The following B3GAT2 variants were observed in gnomAD, a reference collection of about 807,000 sequenced individuals.
The protein encoded by B3GAT2 is galactosylgalactosylxylosylprotein 3-beta-glucuronosyltransferase 2.
In B3GAT2, 26 loss-of-function variants were observed where a neutral mutation model predicts 27.8. That is an observed-to-expected ratio of 0.93 (90% CI 0.68 to 1.30). B3GAT2 has a LOEUF of 1.30. Ranked by LOEUF, B3GAT2 falls within the 50% of genes most tolerant of loss-of-function variation. The pLI, the probability that B3GAT2 is intolerant of heterozygous loss-of-function variation, is 0.00. For missense variants in B3GAT2, 458 were observed against 459.0 expected (o/e 1.00, Z 0.02); for synonymous variants, 218 against 195.1 (o/e 1.12, Z -0.98).
At chr6:70,890,501 G>A (rs1772269781) in intron 2 of B3GAT2, among the ~76,000 whole-genome samples, 1 of 152,158 alleles carries the variant, frequency 6.6e-6, no homozygotes. Context: ...ACTTCATTTG[G>A]CTGGTCCTGA....
chr6:70,860,121 T>G lies in B3GAT2; in HGVS notation c.*1542A>C, dbSNP rs865999101. The stretch of plus-strand genomic sequence containing the variant: ...ACTAGTTGTCACATTAATGAAAAAA[T>G]GACCAACTGTGTGGCTAAAGAAACA... On this transcript the variant is annotated 3_prime_UTR_variant, in exon 4 of 4. Coordinates refer to ENST00000230053, the MANE Select transcript of B3GAT2 (RefSeq NM_080742.3). 47 of 1,464,694 alleles carry G rather than the reference T, an allele frequency of 3.2e-5. No individual in the cohort carries two copies. In the Admixed American group the frequency reaches 3.5e-4, roughly 11 times the overall value. The allele number at this position is 1,464,694 out of a possible 1,614,324, so 90.7% of individuals were successfully genotyped here.
At chr6:70,932,963 A>G (rs1172370932) in intron 1 of B3GAT2, among the ~76,000 whole-genome samples, 1 of 152,042 alleles carries the variant, frequency 6.6e-6, no homozygotes, top group Non-Finnish European at 1.5e-5. Context: ...CACCACTCAC[A>G]ACTATTTAAA....
chr6:70,886,440 T>TG (rs1772188490), intron 2 of B3GAT2, among the ~76,000 whole-genome samples: 1 of 152,146 alleles, frequency 6.6e-6, no homozygotes, highest in Non-Finnish European at 1.5e-5. Context: ...AAGGAAAACT[T>TG]CAGGTTTTCA....
At position 70,956,274 on chromosome 6, in the gene B3GAT2, G is replaced by A. The variant is rs1276792381; in HGVS notation, c.156C>T (p.Leu52=). Residue 52 remains leucine, a synonymous_variant, in exon 1 of 4, where the codon CTC becomes CTT. Coordinates refer to ENST00000230053, the MANE Select transcript of B3GAT2 (RefSeq NM_080742.3). ...PYAVGRGGAR[L]PLRRGGPAHG... ...GAGCCGGGCCGCCCCTGCGGAGCGG[G>A]AGTCGGGCGCCCCCGCGGCCCACCG... is the stretch of plus-strand genomic sequence containing the variant. The A allele has an allele frequency of 3.1e-6, 5 of 1,608,766 alleles. No homozygotes were observed. Among genetic ancestry groups the A allele is most frequent in the Non-Finnish European group, 4.2e-6 (5 of 1,177,280 alleles).
intron 1 of B3GAT2, among the ~76,000 whole-genome samples, chr6:70,940,052 G>A: frequency 6.6e-6 from 1 of 152,036 alleles, no homozygotes; most frequent in East Asian, 1.9e-4. Context: ...GCCAGAAACT[G>A]AAATGGAGGG....
intron 1 of B3GAT2, among the ~76,000 whole-genome samples, chr6:70,905,497 G>A (rs915775519): frequency 2.0e-5 from 3 of 152,224 alleles, no homozygotes; most frequent in Non-Finnish European, 4.4e-5. Context: ...AACTGCTGCA[G>A]ATTAGCATGT....
chr6:70,868,866 T>C (rs1771892860), intron 2 of B3GAT2, among the ~76,000 whole-genome samples: 1 of 152,210 alleles, frequency 6.6e-6, no homozygotes, highest in South Asian at 2.1e-4. Context: ...TCTCCTTTCA[T>C]ACCTCTTCCC....
At chr6:70,919,861 C>A (rs1397281319) in intron 1 of B3GAT2, among the ~76,000 whole-genome samples, 1 of 152,178 alleles carries the variant, frequency 6.6e-6, no homozygotes, top group Non-Finnish European at 1.5e-5. Context: ...GGTCAGGGAC[C>A]CACTTGAGGA....
At chr6:70,899,088 A>G (rs982508235) in intron 1 of B3GAT2, among the ~76,000 whole-genome samples, 1 of 152,212 alleles carries the variant, frequency 6.6e-6, no homozygotes, top group African/African-American at 2.4e-5. Flanking sequence ...AGACATGCTC[A>G]CAATAAAAAA....
rs894466830 is a variant in B3GAT2 at position 70,915,089 on chromosome 6, A to G, written c.592-20817T>C. Among the ~76,000 whole-genome samples, 5 of 152,232 alleles carry G rather than the reference A, an allele frequency of 3.3e-5. No individual in the cohort carries two copies. The East Asian group carries it at 9.7e-4, about 29-fold the overall frequency. ...TCTGTGGTTTCCTGGCTTTTTAATGATCGCCATTCTAACTGGCATGAGATG... is the reference window on the plus strand; with the variant it reads ...TCTGTGGTTTCCTGGCTTTTTAATGGTCGCCATTCTAACTGGCATGAGATG... On this transcript the variant is annotated intron_variant, in intron 1 of 3. Transcript: ENST00000230053.
At position 70,894,289 on chromosome 6, in the gene B3GAT2, G is replaced by A; in HGVS notation, c.592-17C>T. ...GGTTCGCATCTATAAAAAGGGAAAA[G>A]ACATGTGTTTTAAGTTTCCTTAGGA... is the stretch of plus-strand genomic sequence containing the variant. On this transcript the variant is annotated splice_polypyrimidine_tract_variant and intron_variant, in intron 1 of 3. Coordinates refer to ENST00000230053, the MANE Select transcript of B3GAT2 (RefSeq NM_080742.3). 3 of 1,557,630 alleles carry A rather than the reference G, an allele frequency of 1.9e-6. No individual in the cohort carries two copies. Among genetic ancestry groups the A allele is most frequent in the Non-Finnish European group, 2.6e-6 (3 of 1,150,652 alleles).
intron 2 of B3GAT2, among the ~76,000 whole-genome samples, chr6:70,878,129 A>G (rs1246341407): frequency 6.6e-6 from 1 of 152,220 alleles, no homozygotes; most frequent in East Asian, 1.9e-4. Context: ...AACACTTGAA[A>G]TAAAGGTATA....
At chr6:70,931,189 T>G (rs1391108695) in intron 1 of B3GAT2, among the ~76,000 whole-genome samples, 2 of 151,724 alleles carry the variant, frequency 1.3e-5, no homozygotes, top group Admixed American at 6.6e-5. Flanking sequence ...TGTAGTGGGT[T>G]GGGGGGAGGG....
intron 1 of B3GAT2, among the ~76,000 whole-genome samples, chr6:70,939,719 G>C (rs982571269): frequency 1.5e-5 from 2 of 137,274 alleles, no homozygotes; most frequent in Non-Finnish European, 3.1e-5. Flanking sequence ...ACAGGAAGGG[G>C]AACATCACAC....
chr6:70,944,451 G>A (rs1035435766), intron 1 of B3GAT2, among the ~76,000 whole-genome samples: 4 of 152,164 alleles, frequency 2.6e-5, no homozygotes, highest in Admixed American at 6.5e-5. Context: ...ACGGAGTCTC[G>A]CTGATTGCTA....
At chr6:70,932,086 A>G (rs1773071586) in intron 1 of B3GAT2, among the ~76,000 whole-genome samples, 1 of 152,194 alleles carries the variant, frequency 6.6e-6, no homozygotes, top group East Asian at 1.9e-4. Flanking sequence ...CACCTTTCAT[A>G]ATGATATTTC....
chr6:70,872,862 T>C (rs967974884), intron 2 of B3GAT2, among the ~76,000 whole-genome samples: 6 of 151,980 alleles, frequency 3.9e-5, no homozygotes, highest in African/African-American at 7.2e-5. Context: ...TTCTTAGAGG[T>C]TGCCATGGGG....
At chr6:70,893,336 G>A (rs1772322984) in intron 2 of B3GAT2, among the ~76,000 whole-genome samples, 2 of 152,060 alleles carry the variant, frequency 1.3e-5, no homozygotes, top group Non-Finnish European at 1.5e-5. Context: ...GTGCTTCAGA[G>A]CTCAAGATTG....
intron 2 of B3GAT2, among the ~76,000 whole-genome samples, chr6:70,885,634 T>G (rs1225397907): frequency 6.6e-6 from 1 of 152,158 alleles, no homozygotes; most frequent in Non-Finnish European, 1.5e-5. Context: ...CAAATGTTCT[T>G]AAATACTACC....
Sources: gnomAD v4.1 joint callset for allele counts (sites outside exome capture counted in the v4.1 genomes callset) on GRCh38, gnomAD v4.1.1 for gene constraint, MANE v1.5 for transcripts, NCBI Gene and HGNC (gene_info 2026-07-23, HGNC 2026-07-21) for gene names.